NEDD9: variants seen among roughly 807,000 people sequenced by gnomAD.
NEDD9 encodes neural precursor cell expressed, developmentally down-regulated 9, also known as enhancer of filamentation 1.
NEDD9 carries 26 observed loss-of-function variants against 76.6 expected under a neutral mutation model. The observed-to-expected ratio is 0.34, with a 90% CI of 0.25 to 0.47. NEDD9 has a LOEUF of 0.47. Ranked by LOEUF, NEDD9 falls within the 20% of genes least tolerant of loss-of-function variation. The pLI, the probability that NEDD9 is intolerant of heterozygous loss-of-function variation, is 1.00. For synonymous variants in NEDD9, 392 were observed against 414.2 expected, an observed-to-expected ratio of 0.95 and a Z score of 0.65; for missense variants, 937 against 1,058.5, an observed-to-expected ratio of 0.89 and a Z score of 1.59.
chr6:11,320,682 T>G (rs545860889), intron 2 of NEDD9, among the ~76,000 whole-genome samples: 1 of 152,284 alleles, frequency 6.6e-6, no homozygotes, highest in Admixed American at 6.5e-5. Flanking sequence ...ATGATGCTAA[T>G]CTATACAACT....
chr6:11,210,013 G>C (rs1455194110), intron 2 of NEDD9, among the ~76,000 whole-genome samples: 1 of 139,426 alleles, frequency 7.2e-6, no homozygotes, highest in Non-Finnish European at 1.5e-5. Context: ...AAAAAGCAGT[G>C]CTGGGTAAAA....
At chr6:11,257,611 TC>T (rs1297799044) in intron 3 of NEDD9, among the ~76,000 whole-genome samples, 2 of 152,108 alleles carry the variant, frequency 1.3e-5, no homozygotes, top group Non-Finnish European at 2.9e-5. Flanking sequence ...TTTTCTGGGG[TC>T]CCCTTTCTCC....
chr6:11,320,029 A>G (rs1337238547), intron 2 of NEDD9, among the ~76,000 whole-genome samples: 4 of 152,214 alleles, frequency 2.6e-5, no homozygotes, highest in African/African-American at 9.6e-5. Flanking sequence ...CAGGCCCTGT[A>G]TCCTTGGCTG....
rs9468657 is a variant in NEDD9 at position 11,216,552 on chromosome 6, A to G, written c.13-2825T>C. ...AGCTACCTTAGCTCAGCCACGCAGC[A>G]TCCTTGTTACTGGGCTCAGTTCCAT... On this transcript the variant is annotated intron_variant, in intron 1 of 6. Transcript: ENST00000379446. Among the ~76,000 whole-genome samples, 1,075 of 152,338 alleles carry G rather than the reference A, an allele frequency of 7.1e-3. 14 individuals are homozygous for G. Among genetic ancestry groups the G allele is most frequent in the African/African-American group, 0.025 (1,035 of 41,570 alleles).
chr6:11,313,437 GTGGA>G (rs561144965), intron 2 of NEDD9, among the ~76,000 whole-genome samples: 420 of 130,460 alleles, frequency 3.2e-3, no homozygotes, highest in Middle Eastern at 7.2e-3. Flanking sequence ...GGGTGGGTGG[GTGGA>G]TGAATGGAAT....
intron 3 of NEDD9, among the ~76,000 whole-genome samples, chr6:11,275,565 C>CACACACACATATATATATATAT (rs551632582): frequency 1.5e-4 from 22 of 150,282 alleles, no homozygotes; most frequent in African/African-American, 5.1e-4. Flanking sequence ...CACACACACA[C>CACACACACATATATATATATAT]ATATATATAT....
At chr6:11,275,387 G>A (rs1760394080) in intron 3 of NEDD9, among the ~76,000 whole-genome samples, 1 of 152,146 alleles carries the variant, frequency 6.6e-6, no homozygotes, top group Non-Finnish European at 1.5e-5. Flanking sequence ...AAATTGCTAA[G>A]AGAGTGGATT....
At chr6:11,341,942 T>G (rs1392268589) in intron 1 of NEDD9, among the ~76,000 whole-genome samples, 1 of 152,142 alleles carries the variant, frequency 6.6e-6, no homozygotes, top group Non-Finnish European at 1.5e-5. Context: ...ATTAATTAAT[T>G]AGAGACAAAT....
At chr6:11,271,213 G>A (rs1760300870) in intron 3 of NEDD9, among the ~76,000 whole-genome samples, 1 of 152,074 alleles carries the variant, frequency 6.6e-6, no homozygotes, top group Non-Finnish European at 1.5e-5. Flanking sequence ...TAACCTTATT[G>A]TTTTGTAGAA....
At chr6:11,223,501 C>T (rs551085426) in intron 1 of NEDD9, among the ~76,000 whole-genome samples, 1 of 149,146 alleles carries the variant, frequency 6.7e-6, no homozygotes, top group Non-Finnish European at 1.5e-5. Flanking sequence ...AAAAAACCAA[C>T]AAAACAAAAA....
chr6:11,218,911 G>A (rs1054075155), intron 1 of NEDD9, among the ~76,000 whole-genome samples: 1 of 152,142 alleles, frequency 6.6e-6, no homozygotes, highest in Non-Finnish European at 1.5e-5. Flanking sequence ...TCGCAACTAC[G>A]GAGCAAACAG....
intron 2 of NEDD9, among the ~76,000 whole-genome samples, chr6:11,332,160 G>C (rs183403791): frequency 1.3e-4 from 20 of 152,340 alleles, no homozygotes; most frequent in African/African-American, 4.6e-4. Context: ...AAGAGGAAAA[G>C]TAAGGCAAGA....
intron 2 of NEDD9, among the ~76,000 whole-genome samples, chr6:11,212,110 A>T (rs1436757097): frequency 6.6e-6 from 1 of 152,222 alleles, no homozygotes; most frequent in East Asian, 1.9e-4. Flanking sequence ...ATCAGACTTC[A>T]TATTAGATTT....
In NEDD9 at chr6:11,252,795, C is replaced by T. The variant is rs945882383; in HGVS notation, c.13-39068G>A. On this transcript the variant is annotated intron_variant, in intron 3 of 3. Coordinates refer to the NEDD9 transcript ENST00000397378. This position sits in a 1 kb window ranked among gnomAD's most constrained non-coding sequence, Gnocchi z 4.3. ...GTTTGTGAGTAAATTGGTTGTATGC[C>T]CCAGGGCCTAACTATTCTAAGAAAA... Among the ~76,000 whole-genome samples, 6 of 151,882 alleles carry T rather than the reference C, an allele frequency of 4.0e-5. No individual in the cohort carries two copies. Among genetic ancestry groups the T allele is most frequent in the African/African-American group, 1.4e-4 (6 of 41,442 alleles).
chr6:11,336,143 C>G (rs6457330), intron 1 of NEDD9, among the ~76,000 whole-genome samples: 106,705 of 152,136 alleles, frequency 0.7, 38,684 homozygotes, highest in African/African-American at 0.88. Flanking sequence ...TTCTCATAGG[C>G]CACCTTCCTT....
intron 2 of NEDD9, among the ~76,000 whole-genome samples, chr6:11,323,402 G>A (rs1761854084): frequency 6.6e-6 from 1 of 152,272 alleles, no homozygotes; most frequent in African/African-American, 2.4e-5. Context: ...AGAGCATGTG[G>A]TGGGAGTGGC....
In NEDD9 at chr6:11,338,394, T is replaced by C. The variant is rs6942309; in HGVS notation, c.-213-3833A>G. ...GACACCCTTGATCTCAGCCTTTTAG[T>C]CTCCAGAACTGGGAGACAATAAATG... On this transcript the variant is annotated intron_variant, in intron 1 of 3. Coordinates refer to the NEDD9 transcript ENST00000397378. 4.5e-3 allele frequency among the ~76,000 whole-genome samples: 682 copies of C among 152,296 alleles called. 2 individuals carry two copies. Among genetic ancestry groups the C allele is most frequent in the African/African-American group, 0.016 (650 of 41,572 alleles).
At chr6:11,376,878 G>T (rs1294357937) in intron 1 of NEDD9, among the ~76,000 whole-genome samples, 1 of 152,246 alleles carries the variant, frequency 6.6e-6, no homozygotes, top group Non-Finnish European at 1.5e-5. Flanking sequence ...TAGGAGAAAA[G>T]AATGGTTTCA....
At chr6:11,289,432 A>G (rs972302530) in intron 3 of NEDD9, among the ~76,000 whole-genome samples, 1 of 152,274 alleles carries the variant, frequency 6.6e-6, no homozygotes, top group Middle Eastern at 3.4e-3. Flanking sequence ...TTTGCAGCCA[A>G]ATGGCAGATA....
Sources: allele counts gnomAD v4.1 joint callset (sites outside exome capture counted in the v4.1 genomes callset), GRCh38; gene constraint gnomAD v4.1.1; non-coding constraint Gnocchi (gnomAD v3.1); transcripts MANE v1.5; gene names NCBI Gene and HGNC (gene_info 2026-07-23, HGNC 2026-07-21).